The following ELMO1 variants were observed in gnomAD, a reference collection of about 807,000 sequenced individuals.
ELMO1 encodes the protein engulfment and cell motility protein 1.
Under a neutral mutation model 98.9 loss-of-function variants are expected in ELMO1, and 26 were observed. The observed-to-expected ratio is 0.26, with a 90% CI of 0.19 to 0.36. The LOEUF is 0.36. Among genes scored for constraint, ELMO1 ranks in the 10% least tolerant of loss-of-function variants. The probability of loss-of-function intolerance (pLI) is 1.00; values close to 1 mark genes in which losing one functional copy is unlikely to be tolerated. For missense variants in ELMO1, 627 were observed against 935.2 expected (o/e 0.67, Z 4.30); for synonymous variants, 346 against 346.0 (o/e 1.00, Z 0.00).
chr7:37,221,680 T>A (rs921420777), intron 10 of ELMO1, among the ~76,000 whole-genome samples: 1 of 151,508 alleles, frequency 6.6e-6, no homozygotes, highest in African/African-American at 2.4e-5. Context: ...TGTATGTATA[T>A]TAAGGGGTTC....
intron 13 of ELMO1, among the ~76,000 whole-genome samples, chr7:37,176,345 A>C (rs977011645): frequency 6.6e-6 from 1 of 152,250 alleles, no homozygotes; most frequent in African/African-American, 2.4e-5. Flanking sequence ...TATAAATGAC[A>C]ATGTGCTAAA....
chr7:36,928,195 G>C (rs374034940), intron 16 of ELMO1, among the ~76,000 whole-genome samples: 55 of 152,308 alleles, frequency 3.6e-4, no homozygotes, highest in African/African-American at 1.3e-3. Context: ...ATTCGTAAGT[G>C]CATCTTCCCT....
Position 36,894,970 on chromosome 7 carries a change from C to T in ELMO1, c.1485G>A (p.Lys495=), listed in dbSNP as rs1409733691. 6.2e-7 allele frequency: 1 copy of T among 1,613,930 alleles called. No individual in the cohort carries two copies. Reference sequence around the variant, plus strand: ...TCTTGAACTGGTCCAGGGAGCTAGGCTTGGTTGTAAGTGCTCTCATAACCT... The same window carrying T: ...TCTTGAACTGGTCCAGGGAGCTAGGTTTGGTTGTAAGTGCTCTCATAACCT... The part of the protein sequence containing the change: ...KEQVMRALTT[K]PSSLDQFKSK... Residue 495 remains lysine (K), a synonymous_variant, in exon 17 of 22, where the codon AAG becomes AAA. Coordinates refer to ENST00000310758, the MANE Select transcript of ELMO1 (RefSeq NM_014800.11).
chr7:37,445,159 T>C (rs1268851555), intron 1 of ELMO1, among the ~76,000 whole-genome samples: 1 of 152,232 alleles, frequency 6.6e-6, no homozygotes, highest in Non-Finnish European at 1.5e-5. Context: ...TAAAGTGATA[T>C]CATGATCCGC....
chr7:36,973,020 A>G (rs1354575314), intron 16 of ELMO1, among the ~76,000 whole-genome samples: 1 of 152,222 alleles, frequency 6.6e-6, no homozygotes, highest in Non-Finnish European at 1.5e-5. Flanking sequence ...ACCTCAGGTG[A>G]TCTACCTACC....
intron 13 of ELMO1, among the ~76,000 whole-genome samples, chr7:37,180,575 G>C (rs75014247): frequency 0.035 from 5,257 of 152,218 alleles, 303 homozygotes; most frequent in African/African-American, 0.12. Context: ...GAAAGAATAA[G>C]TGTAAAGGAA....
intron 8 of ELMO1, among the ~76,000 whole-genome samples, chr7:37,230,363 G>A (rs1169878609): frequency 1.3e-5 from 2 of 152,186 alleles, no homozygotes; most frequent in Non-Finnish European, 2.9e-5. Flanking sequence ...GTAAGGTCAG[G>A]GAGGAATATG....
rs116465741 is a variant in ELMO1, at chr7:37,162,739, G to C, written c.1087-29505C>G. On this transcript the variant is annotated intron_variant, in intron 13 of 21. Transcript: ENST00000310758. ...AAAAAATAAGGCTGATCCAAAGAGA[G>C]CTGATGGAGAAGGTGTTTCTAGCCT... Among the ~76,000 whole-genome samples, 927 of 152,284 alleles carry C rather than the reference G, an allele frequency of 6.1e-3. 9 individuals carry two copies. The highest frequency in any genetic ancestry group is 0.02 in the African/African-American group (839 of 41,564).
chr7:37,374,269 A>G (rs925068155), intron 1 of ELMO1, among the ~76,000 whole-genome samples: 1 of 152,172 alleles, frequency 6.6e-6, no homozygotes, highest in African/African-American at 2.4e-5. Context: ...AGAGAAGGAG[A>G]GGGGAGGCTG....
chr7:36,902,551 G>A (rs1406614007), intron 16 of ELMO1, among the ~76,000 whole-genome samples: 1 of 152,198 alleles, frequency 6.6e-6, no homozygotes, highest in Non-Finnish European at 1.5e-5. Flanking sequence ...AGTGCCATGA[G>A]AAAAATAATG....
At chr7:37,416,757 G>A (rs756418274) in intron 1 of ELMO1, among the ~76,000 whole-genome samples, 5 of 152,172 alleles carry the variant, frequency 3.3e-5, no homozygotes, top group Non-Finnish European at 7.3e-5. Flanking sequence ...TTCTGTTATA[G>A]GTCAGCTGCA....
At chr7:37,304,823 T>C (rs998255689) in intron 4 of ELMO1, among the ~76,000 whole-genome samples, 2 of 152,202 alleles carry the variant, frequency 1.3e-5, no homozygotes, top group Admixed American at 1.3e-4. Flanking sequence ...CCAAAATTGC[T>C]GCTCCAAGTT....
chr7:37,025,903 A>G (rs966076683), intron 15 of ELMO1, among the ~76,000 whole-genome samples: 27 of 146,778 alleles, frequency 1.8e-4, no homozygotes, highest in African/African-American at 6.2e-4. Context: ...TATTCTATCT[A>G]TCTATCTATC....
At chr7:37,383,452 G>A (rs1011396292) in intron 1 of ELMO1, among the ~76,000 whole-genome samples, 4 of 152,294 alleles carry the variant, frequency 2.6e-5, no homozygotes, top group South Asian at 2.1e-4. Context: ...TAACAGAGAC[G>A]TTAACTTTGA....
chr7:37,263,208 A>T (rs1305000455), intron 5 of ELMO1, among the ~76,000 whole-genome samples: 1 of 151,630 alleles, frequency 6.6e-6, no homozygotes, highest in Non-Finnish European at 1.5e-5. Flanking sequence ...TTTTGTAAGG[A>T]AATTTTGTTC....
intron 15 of ELMO1, among the ~76,000 whole-genome samples, chr7:37,082,260 G>A (rs1797903289): frequency 6.6e-6 from 1 of 152,098 alleles, no homozygotes; most frequent in South Asian, 2.1e-4. Flanking sequence ...AATAGAGGGG[G>A]AGAAATCAGT....
At position 36,894,983 on chromosome 7, in the gene ELMO1, G is replaced by A. The variant is rs1235362283; in HGVS notation, c.1472C>T (p.Ala491Val). 1.9e-6 allele frequency: 3 copies of A among 1,613,826 alleles called. No individual in the cohort carries two copies. The highest frequency in any genetic ancestry group is 2.5e-6 in the Non-Finnish European group (3 of 1,180,002). Reference sequence around the variant, plus strand: ...CAGGGAGCTAGGCTTGGTTGTAAGTGCTCTCATAACCTGCTCCTTCACCAC... The same window carrying A: ...CAGGGAGCTAGGCTTGGTTGTAAGTACTCTCATAACCTGCTCCTTCACCAC... ...MQVVKEQVMR[A>V]LTTKPSSLDQ... The change falls in exon 17 of 22, where the codon GCA becomes GTA. Residue 491 changes from alanine (A) to valine (V), a missense_variant. Transcript: ENST00000310758.
At chr7:37,028,048 T>A (rs1794678582) in intron 15 of ELMO1, among the ~76,000 whole-genome samples, 1 of 150,832 alleles carries the variant, frequency 6.6e-6, no homozygotes, top group African/African-American at 2.5e-5. Flanking sequence ...TTTTTTTTTT[T>A]AACAAGTATT....
chr7:37,392,437 T>G (rs1016356671), intron 1 of ELMO1, among the ~76,000 whole-genome samples: 3 of 152,240 alleles, frequency 2.0e-5, no homozygotes, highest in Admixed American at 2.0e-4. Context: ...TTGGCAGAAC[T>G]TGGTGACAAC....
Sources: gnomAD v4.1 joint callset for allele counts (sites outside exome capture counted in the v4.1 genomes callset) on GRCh38, gnomAD v4.1.1 for gene constraint, MANE v1.5 for transcripts, NCBI Gene and HGNC (gene_info 2026-07-23, HGNC 2026-07-21) for gene names.